Variants in LRP1B observed in about 807,000 individuals in gnomAD.
The protein encoded by LRP1B is low-density lipoprotein receptor-related protein 1B.
Under a neutral mutation model 556.6 loss-of-function variants are expected in LRP1B, and 217 were observed. The ratio of observed to expected loss-of-function variants is 0.39; its 90% CI spans 0.35 to 0.44. The LOEUF is 0.44. Among genes scored for constraint, LRP1B ranks in the 20% least tolerant of loss-of-function variants. LRP1B has a pLI of 1.00. For missense variants in LRP1B, 5,053 were observed against 5,620.8 expected, an observed-to-expected ratio of 0.90 and a Z score of 3.23; for synonymous variants, 2,047 against 1,865.8, an observed-to-expected ratio of 1.10 and a Z score of -2.50.
At chr2:141,339,315 G>A (rs1481481866) in intron 3 of LRP1B, among the ~76,000 whole-genome samples, 5 of 132,716 alleles carry the variant, frequency 3.8e-5, no homozygotes, top group East Asian at 4.1e-4. Flanking sequence ...AAAAAAAAAA[G>A]CATTCAAAAC....
At chr2:140,452,072 A>G (rs1686907440) in intron 62 of LRP1B, among the ~76,000 whole-genome samples, 1 of 152,184 alleles carries the variant, frequency 6.6e-6, no homozygotes, top group African/African-American at 2.4e-5. Flanking sequence ...CTTACAGGCT[A>G]TTTAGCACAC....
At chr2:141,795,899 T>TATATATATATATATATATA (rs1247641787) in intron 2 of LRP1B, among the ~76,000 whole-genome samples, 2 of 77,022 alleles carry the variant, frequency 2.6e-5, no homozygotes, top group Non-Finnish European at 5.5e-5. Flanking sequence ...TATATATATA[T>TATATATATATATATATATA]AATCTTTAAG....
intron 2 of LRP1B, among the ~76,000 whole-genome samples, chr2:141,610,611 C>A (rs186413337): frequency 2.6e-5 from 4 of 152,214 alleles, no homozygotes; most frequent in Admixed American, 2.6e-4. Context: ...TTGCATCCTG[C>A]GCGTAACCTC....
intron 3 of LRP1B, among the ~76,000 whole-genome samples, chr2:141,394,015 G>T (rs1048545331): frequency 6.6e-6 from 1 of 151,872 alleles, no homozygotes; most frequent in East Asian, 1.9e-4. Flanking sequence ...TATTAGATTT[G>T]CAAAAAGTAA....
intron 1 of LRP1B, among the ~76,000 whole-genome samples, chr2:141,835,632 T>G (rs935747257): frequency 6.6e-6 from 1 of 152,004 alleles, no homozygotes; most frequent in African/African-American, 2.4e-5. Context: ...GATTAAAGTC[T>G]GTTACTTCAG....
chr2:140,464,999 A>G (rs115368415), intron 60 of LRP1B, among the ~76,000 whole-genome samples: 3 of 152,208 alleles, frequency 2.0e-5, no homozygotes, highest in Admixed American at 6.5e-5. Context: ...CATTTCTACA[A>G]ATAAATACCT....
At chr2:140,934,171 C>T (rs763326103) in intron 20 of LRP1B, among the ~76,000 whole-genome samples, 2 of 151,440 alleles carry the variant, frequency 1.3e-5, no homozygotes, top group African/African-American at 4.8e-5. Context: ...GAAAATAATG[C>T]ATAGTTTTAT....
intron 3 of LRP1B, among the ~76,000 whole-genome samples, chr2:141,478,325 G>A (rs1381652349): frequency 6.6e-6 from 1 of 152,090 alleles, no homozygotes; most frequent in African/African-American, 2.4e-5. Flanking sequence ...TATTTGGAAA[G>A]GTGATGGTTT....
Position 141,565,009 on chromosome 2 carries a change from G to A in LRP1B, c.206-84476C>T, listed in dbSNP as rs137969876. ...ATTTATTTATATTCAATAATGTTTT[G>A]GGCAACCTGAAAAAGAATTTGTGTG... On this transcript the variant is annotated intron_variant, in intron 2 of 90. Coordinates refer to ENST00000389484, the MANE Select transcript of LRP1B (RefSeq NM_018557.3). 4.5e-3 allele frequency among the ~76,000 whole-genome samples: 689 copies of A among 152,096 alleles called. 4 individuals are homozygous for A. The highest frequency in any genetic ancestry group is 0.015 in the African/African-American group (636 of 41,514).
At chr2:141,050,015 C>G (rs1205002790) in intron 10 of LRP1B, among the ~76,000 whole-genome samples, 1 of 151,792 alleles carries the variant, frequency 6.6e-6, no homozygotes, top group Non-Finnish European at 1.5e-5. Context: ...CTCCAATTAT[C>G]GGAGCATCTT....
intron 2 of LRP1B, among the ~76,000 whole-genome samples, chr2:141,632,595 A>G (rs893735074): frequency 6.6e-6 from 1 of 152,172 alleles, no homozygotes; most frequent in Non-Finnish European, 1.5e-5. Context: ...TAAAACACAC[A>G]CTTTCTAACT....
chr2:141,499,397 C>T (rs546884735), intron 2 of LRP1B, among the ~76,000 whole-genome samples: 4 of 152,180 alleles, frequency 2.6e-5, no homozygotes, highest in South Asian at 2.1e-4. Context: ...GTAATACCTA[C>T]GCCTCTTACT....
intron 7 of LRP1B, among the ~76,000 whole-genome samples, chr2:141,074,332 T>C (rs1699724115): frequency 6.6e-6 from 1 of 152,098 alleles, no homozygotes; most frequent in Non-Finnish European, 1.5e-5. Context: ...AAAGATCTTT[T>C]CTGTTTTTCC....
intron 11 of LRP1B, among the ~76,000 whole-genome samples, chr2:141,048,726 G>A (rs1698950648): frequency 6.6e-6 from 1 of 152,044 alleles, no homozygotes; most frequent in Non-Finnish European, 1.5e-5. Context: ...CCAGAAGATG[G>A]ATAATAGTTC....
chr2:140,589,401 A>C (rs1271889193), intron 43 of LRP1B, among the ~76,000 whole-genome samples: 4 of 152,178 alleles, frequency 2.6e-5, no homozygotes, highest in Non-Finnish European at 4.4e-5. Flanking sequence ...TTAAAAAAAA[A>C]CTAAACAAGC....
intron 18 of LRP1B, among the ~76,000 whole-genome samples, chr2:140,968,621 T>C (rs1160029554): frequency 2.0e-5 from 3 of 152,200 alleles, no homozygotes; most frequent in Non-Finnish European, 4.4e-5. Context: ...ATTGTGATGT[T>C]AAGGCGTCAA....
intron 1 of LRP1B, among the ~76,000 whole-genome samples, chr2:142,110,475 G>T (rs982482998): frequency 6.6e-6 from 1 of 152,132 alleles, no homozygotes; most frequent in African/African-American, 2.4e-5. Flanking sequence ...GAGCAGTCAT[G>T]ATTTGAGGGG....
chr2:141,860,427 T>C (rs1202451982), intron 1 of LRP1B, among the ~76,000 whole-genome samples: 1 of 152,210 alleles, frequency 6.6e-6, no homozygotes, highest in Non-Finnish European at 1.5e-5. Flanking sequence ...TTAAGCTTTC[T>C]AGAAAGTCTG....
intron 18 of LRP1B, among the ~76,000 whole-genome samples, chr2:140,952,291 G>T (rs536205525): frequency 6.6e-6 from 1 of 152,200 alleles, no homozygotes; most frequent in South Asian, 2.1e-4. Context: ...TGTACACTCT[G>T]GAGCTGCAAA....
Sources: gnomAD v4.1 joint callset for allele counts (sites outside exome capture counted in the v4.1 genomes callset) on GRCh38, gnomAD v4.1.1 for gene constraint, MANE v1.5 for transcripts, NCBI Gene and HGNC (gene_info 2026-07-23, HGNC 2026-07-21) for gene names.